USP53: variants seen among roughly 807,000 people sequenced by gnomAD.
The protein encoded by USP53 is ubiquitin carboxyl-terminal hydrolase 53.
Under a neutral mutation model 94.9 loss-of-function variants are expected in USP53, and 71 were observed. The ratio of observed to expected loss-of-function variants is 0.75; its 90% CI spans 0.62 to 0.91. The LOEUF (loss-of-function observed/expected upper bound fraction) is 0.91, where lower values mean the gene tolerates loss of function less well. USP53 is among the 40% of genes least tolerant of loss of function. The pLI, the probability that USP53 is intolerant of heterozygous loss-of-function variation, is 0.00. For missense variants in USP53, 1,173 were observed against 1,281.0 expected (o/e 0.92, Z 1.29); for synonymous variants, 375 against 422.7 (o/e 0.89, Z 1.39).
chr4:119,227,695 A>G (rs1745509944), intron 3 of USP53, among the ~76,000 whole-genome samples: 1 of 152,232 alleles, frequency 6.6e-6, no homozygotes, highest in South Asian at 2.1e-4. Flanking sequence ...GCAATTTTCT[A>G]TAAAGTTAAA....
chr4:119,218,210 T>C (rs1744057236), intron 3 of USP53: 1 of 152,188 alleles, frequency 6.6e-6, no homozygotes. Context: ...AAGTTGCCAT[T>C]GGCTGAGATG....
rs188850057 is a variant in USP53 at position 119,248,469 on chromosome 4, T to G, written c.238-279T>G. ...TTCCGAAATACAGGTTGGGTATCTCTTGTCTGAAATGCTCAGGACCAGCAG... is the reference window on the plus strand; with the variant it reads ...TTCCGAAATACAGGTTGGGTATCTCGTGTCTGAAATGCTCAGGACCAGCAG... On this transcript the variant is annotated intron_variant, in intron 6 of 18. Coordinates refer to ENST00000692078, the MANE Select transcript of USP53 (RefSeq NM_001371395.1). Among the ~76,000 whole-genome samples the G allele has an allele frequency of 4.2e-3, 628 of 150,488 alleles. 7 individuals carry two copies. The highest frequency in any genetic ancestry group is 6.2e-3 in the Admixed American group (93 of 15,104).
chr4:119,291,790 G>A (rs761896556), intron 18 of USP53, among the ~76,000 whole-genome samples: 2 of 152,050 alleles, frequency 1.3e-5, no homozygotes, highest in African/African-American at 2.4e-5. Context: ...GGAGGCTGAG[G>A]CAGCAGGATC....
At chr4:119,259,357 T>C (rs565769496) in intron 9 of USP53, among the ~76,000 whole-genome samples, 12 of 151,902 alleles carry the variant, frequency 7.9e-5, no homozygotes, top group Non-Finnish European at 1.5e-4. Flanking sequence ...AAATCTTTGG[T>C]TGTGACTTCT....
intron 9 of USP53, among the ~76,000 whole-genome samples, chr4:119,258,864 G>C (rs1467172698): frequency 6.6e-6 from 1 of 152,184 alleles, no homozygotes; most frequent in African/African-American, 2.4e-5. Context: ...TGGGGACACA[G>C]CCAAACCATA....
At chr4:119,225,119 C>A (rs551976302) in intron 3 of USP53, among the ~76,000 whole-genome samples, 5 of 152,222 alleles carry the variant, frequency 3.3e-5, no homozygotes, top group Non-Finnish European at 7.4e-5. Context: ...GAATGGACAT[C>A]ATTGCAAACC....
chr4:119,271,822 T>A lies in USP53; in HGVS notation c.1962T>A (p.Ser654Arg). ...TGAAGCAGGAAATAGGAAGCAGAAG[T>A]TCCCTTGAATCTAATGGAAAAGGAG... ...DEMKQEIGSR[S>R]SLESNGKGAE... Residue 654 changes from serine (S) to arginine (R), a missense_variant, in exon 16 of 19, where the codon AGT (serine) becomes AGA (arginine). Coordinates refer to ENST00000692078, the MANE Select transcript of USP53 (RefSeq NM_001371395.1). 1 of 1,612,626 alleles carries A rather than the reference T, an allele frequency of 6.2e-7. No individual in the cohort carries two copies. The highest frequency in any genetic ancestry group is 1.1e-5 in the South Asian group (1 of 90,710).
intron 4 of USP53, among the ~76,000 whole-genome samples, chr4:119,237,554 TA>T (rs1171856012): frequency 0.017 from 2,378 of 136,100 alleles, 51 homozygotes; most frequent in African/African-American, 0.053. Flanking sequence ...AAAAAATAAT[TA>T]AAAAAAAAAA....
At chr4:119,271,170 A>G (rs1047984775) in intron 15 of USP53, 126 bp from the exon 16 acceptor site, 1 of 1,407,390 alleles carries the variant, frequency 7.1e-7, no homozygotes, top group Non-Finnish European at 9.3e-7. Context: ...GCAGTATGTG[A>G]TATGTACTTG....
rs762702807 is a variant in USP53, at chr4:119,248,807, G to T, written c.297G>T (p.Arg99Ser). 2 of 1,613,956 alleles carry T rather than the reference G, an allele frequency of 1.2e-6. No individual in the cohort carries two copies. The highest frequency in any genetic ancestry group is 4.5e-5 in the East Asian group (2 of 44,868). The stretch of plus-strand genomic sequence containing the variant: ...AAGCACTTCCCTCAGATAACATAAG[G>T]CATGCTCTTGCAGAAAGTTTCAAAG... ...REKALPSDNIRHALAESFKDE... is the reference protein window; with the variant it reads ...REKALPSDNISHALAESFKDE... Residue 99 changes from arginine (R) to serine (S), a missense_variant, in exon 7 of 19, where the codon AGG becomes AGT. Arg to Ser is a moderately radical substitution (Grantham distance 110, BLOSUM62 -1). Coordinates refer to ENST00000692078, the MANE Select transcript of USP53 (RefSeq NM_001371395.1).
chr4:119,227,256 T>TATACACAC (rs1376598406), intron 3 of USP53, among the ~76,000 whole-genome samples: 41 of 125,124 alleles, frequency 3.3e-4, no homozygotes, highest in African/African-American at 9.6e-4. Flanking sequence ...TGTCTAACAC[T>TATACACAC]ACACACACAC....
intron 17 of USP53, among the ~76,000 whole-genome samples, chr4:119,285,069 T>G (rs1753928357): frequency 6.6e-6 from 1 of 151,858 alleles, no homozygotes; most frequent in African/African-American, 2.4e-5. Context: ...AAGGAACTAA[T>G]GTTGTACAGA....
intron 3 of USP53, chr4:119,221,640 T>A (rs570920578): frequency 6.6e-6 from 1 of 152,330 alleles, no homozygotes; most frequent in South Asian, 2.1e-4. Flanking sequence ...GAGGCCTTGC[T>A]GTAAACGGGG....
intron 12 of USP53, among the ~76,000 whole-genome samples, chr4:119,262,858 T>A (rs1444715104): frequency 1.3e-5 from 2 of 152,244 alleles, no homozygotes; most frequent in African/African-American, 4.8e-5. Flanking sequence ...AAAACATATA[T>A]TCCTGGATTC....
Position 119,242,346 on chromosome 4 carries a change from C to T in USP53, c.144+2443C>T, listed in dbSNP as rs367643731. Among the ~76,000 whole-genome samples the T allele has an allele frequency of 2.6e-4, 39 of 152,236 alleles. 2 individuals are homozygous for T. The South Asian group carries it at 7.3e-3, about 28-fold the overall frequency. ...GCAGTTTGATCATTTTACTTTTAAA[C>T]TTTGTTAGGCGGGACAGAGCTATGC... On this transcript the variant is annotated intron_variant, in intron 5 of 18. Coordinates refer to ENST00000692078, the MANE Select transcript of USP53 (RefSeq NM_001371395.1).
intron 2 of USP53, among the ~76,000 whole-genome samples, chr4:119,216,704 T>C (rs546527261): frequency 6.6e-6 from 1 of 152,300 alleles, no homozygotes; most frequent in East Asian, 1.9e-4. Flanking sequence ...TTGCTTATGA[T>C]TTACTAAGAA....
chr4:119,224,633 C>T (rs934621046), intron 3 of USP53, among the ~76,000 whole-genome samples: 1 of 152,204 alleles, frequency 6.6e-6, no homozygotes, highest in Non-Finnish European at 1.5e-5. Context: ...GAAATAATTT[C>T]ACAGAGAGGA....
chr4:119,279,897 G>A (rs951939474), intron 17 of USP53, among the ~76,000 whole-genome samples: 4 of 152,206 alleles, frequency 2.6e-5, no homozygotes, highest in Non-Finnish European at 4.4e-5. Flanking sequence ...CTTTGACTCG[G>A]AAAGGGGACT....
chr4:119,219,616 C>T (rs1340714599), intron 3 of USP53: 1 of 152,220 alleles, frequency 6.6e-6, no homozygotes, highest in Non-Finnish European at 1.5e-5. Context: ...TTATCATTTA[C>T]CCAGACCATT....
Sources: allele counts gnomAD v4.1 joint callset (sites outside exome capture counted in the v4.1 genomes callset), GRCh38; gene constraint gnomAD v4.1.1; transcripts MANE v1.5; gene names NCBI Gene and HGNC (gene_info 2026-07-23, HGNC 2026-07-21).